ROBO1: variants seen among roughly 807,000 people sequenced by gnomAD.
ROBO1 encodes the protein roundabout homolog 1.
In ROBO1, 149 loss-of-function variants were observed where a neutral mutation model predicts 195.9. The observed-to-expected ratio is 0.76, with a 90% CI of 0.67 to 0.87. ROBO1 has a LOEUF of 0.87. ROBO1 is among the 40% of genes least tolerant of loss of function. The pLI is 0.00. For synonymous variants in ROBO1, 816 were observed against 733.2 expected (o/e 1.11, Z -1.82); for missense variants, 1,933 against 2,068.3 (o/e 0.93, Z 1.27).
intron 18 of ROBO1, among the ~76,000 whole-genome samples, chr3:78,652,816 A>C (rs1706758361): frequency 6.6e-6 from 1 of 152,100 alleles, no homozygotes; most frequent in Non-Finnish European, 1.5e-5. Context: ...TTATGTTTTA[A>C]GTCTACTGAG....
chr3:79,753,014 A>C (rs1284241821), intron 1 of ROBO1, among the ~76,000 whole-genome samples: 1 of 152,146 alleles, frequency 6.6e-6, no homozygotes, highest in East Asian at 1.9e-4. Context: ...ACTGATCATT[A>C]GTTCATTTGG....
At chr3:79,369,285 GA>G (rs1470145089) in intron 2 of ROBO1, among the ~76,000 whole-genome samples, 1 of 152,108 alleles carries the variant, frequency 6.6e-6, no homozygotes, top group African/African-American at 2.4e-5. Flanking sequence ...TAATCACATA[GA>G]AATCTAAATC....
At chr3:78,936,725 T>C (rs72904277) in intron 4 of ROBO1, among the ~76,000 whole-genome samples, 18,107 of 152,104 alleles carry the variant, frequency 0.12, 2,737 homozygotes, top group African/African-American at 0.36. Flanking sequence ...ACTTGAGCAT[T>C]CATGGGTATT....
chr3:79,430,602 AC>A (rs2038638750), intron 2 of ROBO1, among the ~76,000 whole-genome samples: 1 of 152,108 alleles, frequency 6.6e-6, no homozygotes, highest in Non-Finnish European at 1.5e-5. Context: ...AAGAATCACA[AC>A]TTAGTGAATG....
At chr3:79,572,171 AATTT>A (rs953848637) in intron 2 of ROBO1, among the ~76,000 whole-genome samples, 5 of 152,058 alleles carry the variant, frequency 3.3e-5, no homozygotes, top group Admixed American at 1.3e-4. Flanking sequence ...ATAAAAGAAA[AATTT>A]ATTTACAAAG....
intron 17 of ROBO1, among the ~76,000 whole-genome samples, chr3:78,658,766 C>A (rs1214686239): frequency 2.0e-5 from 3 of 152,186 alleles, no homozygotes; most frequent in Non-Finnish European, 4.4e-5. Flanking sequence ...CAATACATAA[C>A]ACCAAGAAAT....
intron 2 of ROBO1, among the ~76,000 whole-genome samples, chr3:79,496,532 C>T (rs1052983644): frequency 5.9e-4 from 88 of 148,144 alleles, no homozygotes; most frequent in African/African-American, 2.1e-3. Context: ...TACAGGCGCC[C>T]GCCACCGCGC....
At chr3:79,193,453 T>C (rs1226737609) in intron 2 of ROBO1, among the ~76,000 whole-genome samples, 1 of 151,546 alleles carries the variant, frequency 6.6e-6, no homozygotes, top group African/African-American at 2.4e-5. Flanking sequence ...AGCTAGTCAG[T>C]GCAGAGCCAG....
At chr3:79,531,763 A>G (rs1227082837) in intron 2 of ROBO1, among the ~76,000 whole-genome samples, 3 of 152,282 alleles carry the variant, frequency 2.0e-5, no homozygotes, top group East Asian at 3.9e-4. Flanking sequence ...TTCATATGCA[A>G]ACACATTTCT....
chr3:79,605,655 A>C (rs1181817993), intron 1 of ROBO1, among the ~76,000 whole-genome samples: 1 of 151,982 alleles, frequency 6.6e-6, no homozygotes, highest in Admixed American at 6.6e-5. Flanking sequence ...TCAGCCAGGC[A>C]TTCACAGAAA....
chr3:78,973,473 T>A (rs2076814230), intron 3 of ROBO1, among the ~76,000 whole-genome samples: 1 of 146,052 alleles, frequency 6.8e-6, no homozygotes, highest in South Asian at 2.1e-4. Flanking sequence ...TAAGAAGCTA[T>A]ATATATATTA....
intron 2 of ROBO1, among the ~76,000 whole-genome samples, chr3:79,395,340 A>AAAAGAAAGAAAG (rs71127382): frequency 1.1e-4 from 13 of 119,082 alleles, no homozygotes; most frequent in African/African-American, 3.4e-4. Context: ...AAAAAAAAAA[A>AAAAGAAAGAAAG]AAAGAAAGAA....
intron 4 of ROBO1, among the ~76,000 whole-genome samples, chr3:78,868,601 A>T (rs1211102091): frequency 1.3e-5 from 2 of 152,214 alleles, no homozygotes; most frequent in African/African-American, 4.8e-5. Context: ...AAAGGTAGAG[A>T]CAAAACTATA....
At chr3:79,610,299 G>A (rs1049393276) in intron 1 of ROBO1, among the ~76,000 whole-genome samples, 3 of 151,762 alleles carry the variant, frequency 2.0e-5, no homozygotes, top group Non-Finnish European at 4.4e-5. Context: ...ATATGATATT[G>A]ACAATAGTAA....
rs1247103783 is a variant in ROBO1 at position 78,938,788 on chromosome 3, C to T, written c.312G>A (p.Gly104=). Residue 104 remains glycine (G), a synonymous_variant, in exon 4 of 31, where the codon GGG becomes GGA. Coordinates refer to ENST00000464233, the MANE Select transcript of ROBO1 (RefSeq NM_002941.4). ...CTTTGTCTGTCTCCACTCTCTCTCCCCCTTTGTACCATTCAATAGTGGGTG... is the reference window on the plus strand; with the variant it reads ...CTTTGTCTGTCTCCACTCTCTCTCCTCCTTTGTACCATTCAATAGTGGGTG... ...RPTPTIEWYK[G]GERVETDKDD... is the part of the protein sequence containing the mutation. 1 of 1,613,990 alleles carries T rather than the reference C, an allele frequency of 6.2e-7. No individual in the cohort carries two copies. Among genetic ancestry groups the T allele is most frequent in the Admixed American group, 1.7e-5 (1 of 60,030 alleles).
chr3:79,302,006 A>G (rs2109063577), intron 2 of ROBO1, among the ~76,000 whole-genome samples: 1 of 152,304 alleles, frequency 6.6e-6, no homozygotes, highest in Non-Finnish European at 1.5e-5. Context: ...TGTATAAGCT[A>G]CATTCCACAA....
intron 3 of ROBO1, among the ~76,000 whole-genome samples, chr3:79,000,348 A>C (rs1205742760): frequency 6.6e-6 from 1 of 152,080 alleles, no homozygotes; most frequent in Non-Finnish European, 1.5e-5. Context: ...AGATTGCAAA[A>C]ATTTTCTCCC....
intron 2 of ROBO1, among the ~76,000 whole-genome samples, chr3:79,583,158 G>A (rs967969498): frequency 6.6e-6 from 1 of 151,880 alleles, no homozygotes; most frequent in African/African-American, 2.4e-5. Flanking sequence ...AATTAATATG[G>A]TGTTCCTATT....
intron 3 of ROBO1, among the ~76,000 whole-genome samples, chr3:79,025,305 G>A (rs555585012): frequency 2.2e-4 from 34 of 152,176 alleles, no homozygotes; most frequent in Admixed American, 3.9e-4. Context: ...ACATTCGCAC[G>A]CAATACTTCC....
Sources: allele counts gnomAD v4.1 joint callset (sites outside exome capture counted in the v4.1 genomes callset), GRCh38; gene constraint gnomAD v4.1.1; transcripts MANE v1.5; gene names NCBI Gene and HGNC (gene_info 2026-07-23, HGNC 2026-07-21).